SPNS2: variants seen among roughly 807,000 people sequenced by gnomAD.
SPNS2 encodes sphingosine-1-phosphate transporter SPNS2.
In SPNS2, 37 loss-of-function variants were observed where a neutral mutation model predicts 57.6. The observed-to-expected ratio is 0.64, with a 90% CI of 0.49 to 0.85. The LOEUF is 0.85. Ranked by LOEUF, SPNS2 falls within the 40% of genes least tolerant of loss-of-function variation. The pLI, the probability that SPNS2 is intolerant of heterozygous loss-of-function variation, is 0.00. For missense variants in SPNS2, 831 were observed against 779.1 expected, an observed-to-expected ratio of 1.07 and a Z score of -0.79; for synonymous variants, 440 against 346.9, an observed-to-expected ratio of 1.27 and a Z score of -2.98.
At chr17:4,519,344 C>T (rs1466734041) in intron 2 of SPNS2, among the ~76,000 whole-genome samples, 1 of 152,226 alleles carries the variant, frequency 6.6e-6, no homozygotes, top group East Asian at 1.9e-4. Context: ...CTCCGCTCAC[C>T]ATGGACAGGG....
At chr17:4,536,633 C>T (rs1460326478) in intron 11 of SPNS2, 3 of 707,070 alleles carry the variant, frequency 4.2e-6, no homozygotes, top group South Asian at 3.8e-5. Context: ...CTGGTGGATC[C>T]AGACTTGGGT....
chr17:4,526,669 C>T (rs1002099988), intron 3 of SPNS2, among the ~76,000 whole-genome samples: 8 of 151,910 alleles, frequency 5.3e-5, no homozygotes, highest in Non-Finnish European at 1.2e-4. Flanking sequence ...AAAGCAGGGA[C>T]TGGGTCATGG....
At chr17:4,516,348 A>T (rs1567590068) in intron 2 of SPNS2, among the ~76,000 whole-genome samples, 1 of 145,880 alleles carries the variant, frequency 6.9e-6, no homozygotes, top group Non-Finnish European at 1.5e-5. Flanking sequence ...AAAAAACAAA[A>T]AAACCGCTCA....
Position 4,538,926 on chromosome 17 carries a change from G to A in SPNS2, c.*1478G>A, listed in dbSNP as rs766126424. On this transcript the variant is annotated 3_prime_UTR_variant, in exon 13 of 13. Transcript: ENST00000329078. Reference sequence around the variant, plus strand: ...GTGTTGCCTCCTCTTCCTTCCGGAAGCCAAACTGCTCCTTTATTTTTTAGA... The same window carrying A: ...GTGTTGCCTCCTCTTCCTTCCGGAAACCAAACTGCTCCTTTATTTTTTAGA... 1.3e-6 allele frequency: 1 copy of A among 782,752 alleles called. No individual in the cohort carries two copies. The highest frequency in any genetic ancestry group is 1.7e-5 in the Admixed American group (1 of 59,036). 48.5% of individuals were successfully genotyped at this position (782,752 alleles called of 1,614,324 possible). A position where few individuals can be genotyped will look rare whatever the true frequency, so the allele number is the denominator to read the frequency against.
intron 5 of SPNS2, among the ~76,000 whole-genome samples, chr17:4,532,075 GCTAT>G (rs1000351900): frequency 6.6e-6 from 1 of 152,052 alleles, no homozygotes; most frequent in Non-Finnish European, 1.5e-5. Flanking sequence ...ATCCCATCTG[GCTAT>G]CTACTTATTT....
chr17:4,533,787 GATCTGT>G lies in SPNS2; in HGVS notation c.1283_1288del (p.Cys428_Ile429del), dbSNP rs1362132053. ...TGGTGGCTTTGCCTTCTCCCCGGCA[GATCTGT>G]ATCTTCGTCGGGGAGACGCTGCTGT... On this transcript the variant is annotated inframe_deletion and splice_region_variant, in exon 9 of 13. Transcript: ENST00000329078. 6.2e-7 allele frequency: 1 copy of G among 1,613,782 alleles called. No homozygotes were observed. The highest frequency in any genetic ancestry group is 8.5e-7 in the Non-Finnish European group (1 of 1,180,020).
rs955533416 is a variant in SPNS2, at chr17:4,534,914, G to C, written c.1344+1061G>C. ...GCCTGACAGCTGCCGGCAGGGTCAG[G>C]GTCCCGGGGAAATCGCGTCCCGGTT... is the stretch of plus-strand genomic sequence containing the variant. On this transcript the variant is annotated intron_variant, in intron 9 of 12. Transcript: ENST00000329078. Among the ~76,000 whole-genome samples, 14 of 152,174 alleles carry C rather than the reference G, an allele frequency of 9.2e-5. 1 individual carries two copies. Among genetic ancestry groups the C allele is most frequent in the African/African-American group, 3.1e-4 (13 of 41,438 alleles).
At chr17:4,529,140 T>G (rs1362999525) in intron 3 of SPNS2, among the ~76,000 whole-genome samples, 2 of 151,892 alleles carry the variant, frequency 1.3e-5, no homozygotes, top group Admixed American at 6.6e-5. Context: ...TTCACCATCT[T>G]GGCCAGGCTG....
intron 9 of SPNS2, among the ~76,000 whole-genome samples, chr17:4,535,300 G>A (rs1597371226): frequency 6.6e-6 from 1 of 152,198 alleles, no homozygotes; most frequent in African/African-American, 2.4e-5. Context: ...GGTGCCCGCG[G>A]GTGCGAGCGG....
chr17:4,532,925 G>A (rs372664202), intron 6 of SPNS2, 52 bp from the exon 7 acceptor site: 13 of 1,569,134 alleles, frequency 8.3e-6, no homozygotes, highest in South Asian at 2.3e-5. Flanking sequence ...GGGCTGCCTA[G>A]GGGGGTGAAG....
At chr17:4,506,922 C>G (rs1348974081) in intron 1 of SPNS2, among the ~76,000 whole-genome samples, 1 of 152,176 alleles carries the variant, frequency 6.6e-6, no homozygotes, top group African/African-American at 2.4e-5. Flanking sequence ...AAATGGGCAA[C>G]CTGAGGCCCA....
At chr17:4,514,545 C>A (rs1310179854) in intron 2 of SPNS2, among the ~76,000 whole-genome samples, 1 of 152,194 alleles carries the variant, frequency 6.6e-6, no homozygotes, top group Non-Finnish European at 1.5e-5. Context: ...AGAGGGGTTG[C>A]GATGGTTCTC....
chr17:4,499,085 GCGCGGAGGAGGAGGAGGCGGA>G lies in SPNS2; in HGVS notation c.46_66del (p.Glu16_Glu22del). Reference sequence around the variant, plus strand: ...GAATGCGCCTCGGCGGCGGCGGGCGGCGCGGAGGAGGAGGAGGCGGACGCGGAGCGGCGGCGCCGGCGCCGG... The same window carrying G: ...GAATGCGCCTCGGCGGCGGCGGGCGGCGCGGAGCGGCGGCGCCGGCGCCGG... On this transcript the variant is annotated inframe_deletion, in exon 1 of 13. Coordinates refer to ENST00000329078, the MANE Select transcript of SPNS2 (RefSeq NM_001124758.3). The surrounding 1 kb of genome is among the most constrained non-coding windows in gnomAD (Gnocchi z 5.2). The G allele has an allele frequency of 9.6e-7, 1 of 1,046,626 alleles. No homozygotes were observed. The highest frequency in any genetic ancestry group is 1.1e-6 in the Non-Finnish European group (1 of 871,990). 64.8% of individuals were successfully genotyped at this position (1,046,626 alleles called of 1,614,324 possible).
Position 4,538,222 on chromosome 17 carries a change from G to A in SPNS2, c.*774G>A, listed in dbSNP as rs908811330. 1.4e-4 allele frequency: 29 copies of A among 209,540 alleles called. No homozygotes were observed. Among genetic ancestry groups the A allele is most frequent in the Admixed American group, 1.3e-3 (24 of 19,034 alleles). The allele number at this position is 209,540 out of a possible 1,614,324, so 13.0% of individuals were successfully genotyped here. A position where few individuals can be genotyped will look rare whatever the true frequency, so the allele number is the denominator to read the frequency against. On this transcript the variant is annotated 3_prime_UTR_variant, in exon 13 of 13. Coordinates refer to ENST00000329078, the MANE Select transcript of SPNS2 (RefSeq NM_001124758.3). ...GGCAGGTGCACACCAGCCCAACTCT[G>A]CAGGGCTTCTCTCCCTGCCACCACC...
rs993754070 is a variant in SPNS2, at chr17:4,536,441, G to A, written c.1607+15G>A. 5.7e-6 allele frequency: 9 copies of A among 1,570,580 alleles called. No individual in the cohort carries two copies. Among genetic ancestry groups the A allele is most frequent in the African/African-American group, 4.0e-5 (3 of 74,280 alleles). On this transcript the variant is annotated intron_variant, in intron 11 of 12. Coordinates refer to ENST00000329078, the MANE Select transcript of SPNS2 (RefSeq NM_001124758.3). Reference sequence around the variant, plus strand: ...GCTGAGCAGCAGTGAGTGGGGGGGAGGGGAGGCCCTGCTGCACCGCCGGGA... The same window carrying A: ...GCTGAGCAGCAGTGAGTGGGGGGGAAGGGAGGCCCTGCTGCACCGCCGGGA...
At position 4,538,934 on chromosome 17, in the gene SPNS2, G is replaced by C. The variant is rs1555538752; in HGVS notation, c.*1486G>C. ...TCCTCTTCCTTCCGGAAGCCAAACT[G>C]CTCCTTTATTTTTTAGAGCTGCTGA... On this transcript the variant is annotated 3_prime_UTR_variant, in exon 13 of 13. Transcript: ENST00000329078. 3.8e-6 allele frequency: 3 copies of C among 783,132 alleles called. No homozygotes were observed. The highest frequency in any genetic ancestry group is 7.1e-6 in the Non-Finnish European group (3 of 420,030). The allele number at this position is 783,132 out of a possible 1,614,324, so 48.5% of individuals were successfully genotyped here.
intron 11 of SPNS2, 88 bp downstream of exon 11, chr17:4,536,514 G>T: frequency 1.4e-6 from 2 of 1,479,622 alleles, no homozygotes; most frequent in African/African-American, 1.4e-5. Flanking sequence ...GGGTGGGGCG[G>T]GGAGGGTACA....
rs151226525 is a variant in SPNS2 at position 4,507,670 on chromosome 17, G to A, written c.371-5577G>A. On this transcript the variant is annotated intron_variant, in intron 1 of 12. Coordinates refer to ENST00000329078, the MANE Select transcript of SPNS2 (RefSeq NM_001124758.3). ...CTCCAGTTCCAGAGCCCATGCTCTT[G>A]AGAATTTAGCTAAGCCACCTGCTGC... is the stretch of plus-strand genomic sequence containing the variant. Among the ~76,000 whole-genome samples, 754 of 152,378 alleles carry A rather than the reference G, an allele frequency of 4.9e-3. 4 individuals are homozygous for A. Among genetic ancestry groups the A allele is most frequent in the African/African-American group, 0.017 (709 of 41,592 alleles).
At chr17:4,528,302 T>A (rs71368504) in intron 3 of SPNS2, among the ~76,000 whole-genome samples, 7 of 152,042 alleles carry the variant, frequency 4.6e-5, no homozygotes, top group Non-Finnish European at 1.0e-4. Flanking sequence ...GAATTATAGG[T>A]GTGAGCCACT....
Sources: gnomAD v4.1 joint callset for allele counts (sites outside exome capture counted in the v4.1 genomes callset) on GRCh38, gnomAD v4.1.1 for gene constraint, Gnocchi (gnomAD v3.1) non-coding constraint, MANE v1.5 for transcripts, NCBI Gene and HGNC (gene_info 2026-07-23, HGNC 2026-07-21) for gene names.